The following PPP2R5E variants were observed in gnomAD, a reference collection of about 807,000 sequenced individuals.
PPP2R5E encodes serine/threonine-protein phosphatase 2A 56 kDa regulatory subunit epsilon isoform.
In PPP2R5E, 4 loss-of-function variants were observed where a neutral mutation model predicts 65.3. The ratio of observed to expected loss-of-function variants is 0.06; its 90% confidence interval spans 0.03 to 0.14. PPP2R5E has a LOEUF of 0.14. PPP2R5E is among the 10% of genes least tolerant of loss of function. The probability of loss-of-function intolerance (pLI) is 1.00; values close to 1 mark genes in which losing one functional copy is unlikely to be tolerated. For missense variants in PPP2R5E, 274 were observed against 556.1 expected (o/e 0.49, Z 5.10); for synonymous variants, 183 against 187.4 (o/e 0.98, Z 0.19).
chr14:63,504,028 T>C (rs941415971), intron 2 of PPP2R5E, among the ~76,000 whole-genome samples: 2 of 152,098 alleles, frequency 1.3e-5, no homozygotes, highest in African/African-American at 2.4e-5. Context: ...AGAAATGAAA[T>C]AGATTAAAAG....
At chr14:63,519,549 T>A (rs1892803672) in intron 2 of PPP2R5E, among the ~76,000 whole-genome samples, 1 of 147,288 alleles carries the variant, frequency 6.8e-6, no homozygotes, top group South Asian at 2.1e-4. Context: ...AGACAGGGTT[T>A]CACCGTGTTG....
rs1311538517 is a variant in PPP2R5E at position 63,511,336 on chromosome 14, C to G, written c.157+28193G>C. 2.0e-5 allele frequency among the ~76,000 whole-genome samples: 3 copies of G among 152,200 alleles called. No homozygotes were observed. The East Asian group carries it at 5.8e-4, about 29-fold the overall frequency. On this transcript the variant is annotated intron_variant, in intron 2 of 13. Coordinates refer to ENST00000337537, the MANE Select transcript of PPP2R5E (RefSeq NM_006246.5). ...ACCATGTGGAGAAGCCCAGGCTAAC[C>G]TGCTGGATGATGAGACTCACAAAGC...
intron 2 of PPP2R5E, among the ~76,000 whole-genome samples, chr14:63,493,484 G>GTT (rs750391113): frequency 1.7e-4 from 13 of 78,702 alleles, no homozygotes; most frequent in Non-Finnish European, 2.6e-4. Context: ...CCGCGCGCGC[G>GTT]TGTGTGTGTG....
chr14:63,402,177 A>G (rs760191427), intron 5 of PPP2R5E, among the ~76,000 whole-genome samples: 16 of 152,336 alleles, frequency 1.1e-4, no homozygotes, highest in Admixed American at 4.6e-4. Flanking sequence ...CCAATTCTGT[A>G]TAAGTCAGAA....
chr14:63,401,787 A>G (rs990371813), intron 5 of PPP2R5E, among the ~76,000 whole-genome samples: 5 of 152,110 alleles, frequency 3.3e-5, no homozygotes, highest in Non-Finnish European at 5.9e-5. Flanking sequence ...AACTATCTTA[A>G]GTTTCCTCTT....
At chr14:63,464,029 C>G (rs1044617545) in intron 2 of PPP2R5E, among the ~76,000 whole-genome samples, 6 of 151,944 alleles carry the variant, frequency 3.9e-5, no homozygotes, top group African/African-American at 4.8e-5. Flanking sequence ...GCAAAATAAC[C>G]CGAAAATTTT....
At chr14:63,381,890 C>G (rs1178686337) in intron 13 of PPP2R5E, among the ~76,000 whole-genome samples, 166 bp downstream of exon 13, 1 of 152,202 alleles carries the variant, frequency 6.6e-6, no homozygotes, top group Non-Finnish European at 1.5e-5. Flanking sequence ...ATACAATTGC[C>G]TAAGGATGCA....
rs140323163 is a variant in PPP2R5E, at chr14:63,447,536, T to C, written c.354+6153A>G. The stretch of plus-strand genomic sequence containing the variant: ...GGGTTAGGCTTTGGCATAAGGAACG[T>C]TGTGGCTGGTTTGATATTCTATCCA... On this transcript the variant is annotated intron_variant, in intron 3 of 13. Coordinates refer to ENST00000337537, the MANE Select transcript of PPP2R5E (RefSeq NM_006246.5). 5.5e-3 allele frequency among the ~76,000 whole-genome samples: 833 copies of C among 152,378 alleles called. 5 individuals are homozygous for C. Among genetic ancestry groups the C allele is most frequent in the African/African-American group, 0.02 (812 of 41,590 alleles).
intron 3 of PPP2R5E, among the ~76,000 whole-genome samples, chr14:63,441,238 C>T (rs1403688101): frequency 2.4e-4 from 37 of 152,130 alleles, no homozygotes; most frequent in Non-Finnish European, 2.9e-5. Flanking sequence ...TGAAGAGACT[C>T]TAAGGATTAA....
intron 3 of PPP2R5E, chr14:63,451,188 T>C (rs1418095947): frequency 6.6e-6 from 1 of 152,164 alleles, no homozygotes; most frequent in Non-Finnish European, 1.5e-5. Context: ...TACCATACAA[T>C]ACATACAGCA....
intron 5 of PPP2R5E, among the ~76,000 whole-genome samples, chr14:63,403,058 G>A (rs1885847626): frequency 6.6e-6 from 1 of 152,194 alleles, no homozygotes; most frequent in Non-Finnish European, 1.5e-5. Flanking sequence ...CACACTGGAA[G>A]CTGGAAAACA....
chr14:63,422,242 GA>G (rs1887064681), intron 3 of PPP2R5E, 148 bp from the exon 4 acceptor site: 6 of 658,880 alleles, frequency 9.1e-6, no homozygotes, highest in South Asian at 7.6e-5. Flanking sequence ...TATAGGCTCT[GA>G]GGTGGGGACC....
At position 63,385,828 on chromosome 14, in the gene PPP2R5E, T is replaced by C. The variant is rs996171371; in HGVS notation, c.1075-1257A>G. Among the ~76,000 whole-genome samples the C allele has an allele frequency of 6.6e-5, 10 of 152,334 alleles. No homozygotes were observed. The East Asian group carries it at 7.7e-4, about 12-fold the overall frequency. On this transcript the variant is annotated intron_variant, in intron 11 of 13. Coordinates refer to ENST00000337537, the MANE Select transcript of PPP2R5E (RefSeq NM_006246.5). ...CCAGAGTTTGTTTCTGGTCCCTTCC[T>C]GTGCAAGCCAGGAGATGTCTGCTCA...
At chr14:63,477,280 T>A (rs1267766512) in intron 2 of PPP2R5E, among the ~76,000 whole-genome samples, 1 of 152,086 alleles carries the variant, frequency 6.6e-6, no homozygotes, top group South Asian at 2.1e-4. Flanking sequence ...TTAAATAATA[T>A]AAATAACCAC....
chr14:63,448,876 CTGCTT>C (rs1888659041), intron 3 of PPP2R5E, among the ~76,000 whole-genome samples: 1 of 151,534 alleles, frequency 6.6e-6, no homozygotes, highest in South Asian at 2.1e-4. Flanking sequence ...CCCATAAGAG[CTGCTT>C]TGCTTTCCTA....
chr14:63,430,373 G>A (rs113423792), intron 3 of PPP2R5E, among the ~76,000 whole-genome samples: 5,835 of 126,188 alleles, frequency 0.046, 316 homozygotes, highest in African/African-American at 0.15. Context: ...ATACATACAT[G>A]CATGCATACA....
rs565306568 is a variant in PPP2R5E, at chr14:63,517,039, T to C, written c.157+22490A>G. Among the ~76,000 whole-genome samples, 5 of 152,280 alleles carry C rather than the reference T, an allele frequency of 3.3e-5. No individual in the cohort carries two copies. In the South Asian group the frequency reaches 1.0e-3, roughly 32 times the overall value. On this transcript the variant is annotated intron_variant, in intron 2 of 13. Transcript: ENST00000337537. ...AAGAGATCAACTTTATAGGATCCAC[T>C]TGAAACCCAAGTCTTATGACTCAAA...
At chr14:63,529,094 A>G (rs1263942869) in intron 2 of PPP2R5E, among the ~76,000 whole-genome samples, 2 of 152,118 alleles carry the variant, frequency 1.3e-5, no homozygotes, top group Non-Finnish European at 2.9e-5. Flanking sequence ...CCAAGTAGCC[A>G]AGACACAGGT....
intron 2 of PPP2R5E, among the ~76,000 whole-genome samples, chr14:63,521,440 G>A (rs973983137): frequency 2.0e-5 from 3 of 152,164 alleles, no homozygotes; most frequent in African/African-American, 2.4e-5. Context: ...AGGCGGAGGC[G>A]GGCAGACCAC....
Sources: gnomAD v4.1 joint callset for allele counts (sites outside exome capture counted in the v4.1 genomes callset) on GRCh38, gnomAD v4.1.1 for gene constraint, MANE v1.5 for transcripts, NCBI Gene and HGNC (gene_info 2026-07-23, HGNC 2026-07-21) for gene names.